The following FANCI variants were observed in gnomAD, a reference collection of about 807,000 sequenced individuals.
The protein encoded by FANCI is FA complementation group I, also known as Fanconi anemia group I protein.
Under a neutral mutation model 176.1 loss-of-function variants are expected in FANCI, and 156 were observed. That is an observed-to-expected ratio of 0.89 (90% CI 0.78 to 1.01). The LOEUF is 1.01. Ranked by LOEUF, FANCI falls within the 50% of genes least tolerant of loss-of-function variation. The probability of loss-of-function intolerance (pLI) is 0.00; values close to 1 mark genes in which losing one functional copy is unlikely to be tolerated. For synonymous variants in FANCI, 613 were observed against 541.7 expected, an observed-to-expected ratio of 1.13 and a Z score of -1.83; for missense variants, 1,678 against 1,534.1, an observed-to-expected ratio of 1.09 and a Z score of -1.57.
chr15:89,279,598 A>G (rs1374698955), intron 14 of FANCI, among the ~76,000 whole-genome samples: 1 of 152,186 alleles, frequency 6.6e-6, no homozygotes, highest in African/African-American at 2.4e-5. Context: ...GATTACTGTA[A>G]GAGTCTGCTT....
intron 35 of FANCI, 120 bp downstream of exon 35, chr15:89,313,092 G>C: frequency 1.0e-6 from 1 of 997,932 alleles, no homozygotes; most frequent in Non-Finnish European, 1.6e-6. Flanking sequence ...GAAGTGCCCA[G>C]AATAAATCAT....
rs74887791 is a variant in FANCI at position 89,270,511 on chromosome 15, A to T, written c.882+1986A>T. Among the ~76,000 whole-genome samples, 8 of 148,500 alleles carry T rather than the reference A, an allele frequency of 5.4e-5. No individual in the cohort carries two copies. In the East Asian group the frequency reaches 5.9e-4, roughly 11 times the overall value. Reference sequence around the variant, plus strand: ...ACCAGGAATTCAAATTTTATATCTTATTTTTTTTTTCTTTTTTTTGTCCTC... The same window carrying T: ...ACCAGGAATTCAAATTTTATATCTTTTTTTTTTTTTCTTTTTTTTGTCCTC... On this transcript the variant is annotated intron_variant, in intron 10 of 37. Transcript: ENST00000310775.
intron 2 of FANCI, among the ~76,000 whole-genome samples, chr15:89,248,448 G>C (rs2052087246): frequency 6.6e-6 from 1 of 151,952 alleles, no homozygotes; most frequent in South Asian, 2.1e-4. Context: ...TAATGTTGTA[G>C]TTATTGAAGG....
chr15:89,253,392 T>C (rs1034897544), intron 2 of FANCI, among the ~76,000 whole-genome samples: 6 of 152,134 alleles, frequency 3.9e-5, no homozygotes, highest in Non-Finnish European at 8.8e-5. Flanking sequence ...CTTATCCCTG[T>C]AATCCCAGCA....
In FANCI at chr15:89,307,527, C is replaced by G. The variant is rs149763090; in HGVS notation, c.3589C>G (p.Leu1197Val). The G allele has an allele frequency of 1.1e-5, 17 of 1,614,058 alleles. No individual in the cohort carries two copies. Among genetic ancestry groups the G allele is most frequent in the Non-Finnish European group, 1.4e-5 (17 of 1,180,040 alleles). Residue 1197 changes from leucine (L) to valine (V), a missense_variant and splice_region_variant, in exon 33 of 38, where the codon CTG becomes GTG. This residue lies in a region of FANCI where 1,204 missense variants were observed against 1,077.4 expected (regional missense o/e 1.12). Coordinates refer to ENST00000310775, the MANE Select transcript of FANCI (RefSeq NM_001113378.2). ...SGGIPKNMEK[L>V]VKLSGSHLTP... ...AGGAATTCCAAAAAATATGGAAAAG[C>G]TGGTGAGTTGAGAATGCCTTTCCTA...
chr15:89,256,704 T>C (rs2052509915), intron 2 of FANCI, among the ~76,000 whole-genome samples: 2 of 152,154 alleles, frequency 1.3e-5, no homozygotes, highest in African/African-American at 4.8e-5. Flanking sequence ...GCACTTCCAC[T>C]TGGATATCTC....
At position 89,259,855 on chromosome 15, in the gene FANCI, A is replaced by T. The variant is rs553852018; in HGVS notation, c.158-858A>T. On this transcript the variant is annotated intron_variant, in intron 3 of 37. Coordinates refer to ENST00000310775, the MANE Select transcript of FANCI (RefSeq NM_001113378.2). ...TTTTACTGCTGAATAATATTCCATT[A>T]TGTGGATATACAACATTTTTCCATT... 4.6e-5 allele frequency among the ~76,000 whole-genome samples: 7 copies of T among 152,310 alleles called. No homozygotes were observed. The South Asian group carries it at 1.2e-3, about 27-fold the overall frequency.
intron 18 of FANCI, among the ~76,000 whole-genome samples, chr15:89,285,571 C>T (rs1397564326): frequency 6.6e-6 from 1 of 152,214 alleles, no homozygotes; most frequent in East Asian, 1.9e-4. Flanking sequence ...GAGCTATGAT[C>T]ACACCACTGC....
Position 89,292,848 on chromosome 15 carries a change from T to C in FANCI, c.2153T>C (p.Leu718Pro), listed in dbSNP as rs1285174212. 2 of 1,614,140 alleles carry C rather than the reference T, an allele frequency of 1.2e-6. No individual in the cohort carries two copies. The highest frequency in any genetic ancestry group is 2.2e-5 in the East Asian group (1 of 44,844). Residue 718 changes from leucine (L) to proline (P), a missense_variant, in exon 21 of 38, where the codon CTG becomes CCG. Around this residue, in one of 3 missense-constraint regions of FANCI, gnomAD observed 1,204 missense variants for 1,077.4 expected, o/e 1.12. Transcript: ENST00000310775. ...SITNRMIKSE[L>P]EDFELDKSAD... is the part of the protein sequence containing the mutation. Reference sequence around the variant, plus strand: ...ACTAATAGAATGATTAAGAGTGAGCTGGAAGACTTTGAACTGGTAATTGCT... The same window carrying C: ...ACTAATAGAATGATTAAGAGTGAGCCGGAAGACTTTGAACTGGTAATTGCT...
intron 32 of FANCI, among the ~76,000 whole-genome samples, chr15:89,306,553 G>C (rs759045288): frequency 2.0e-5 from 3 of 152,018 alleles, no homozygotes; most frequent in Non-Finnish European, 4.4e-5. Flanking sequence ...GTAGCTGGGC[G>C]TGGTGGTGGG....
intron 1 of FANCI, chr15:89,245,172 C>CTTTTTTTTTT (rs1354260784): frequency 1.3e-4 from 16 of 122,606 alleles, no homozygotes; most frequent in African/African-American, 5.2e-4. Context: ...CTTTTCTTTT[C>CTTTTTTTTTT]TTTTCTTTTT....
chr15:89,291,643 C>G lies in FANCI; in HGVS notation c.1921C>G (p.Leu641Val). ...ACAGTTCTATGAGCCAAAACCTGAT[C>G]TGCTGCCTCCTCTGAAATTAGAAGC... ...LKQFYEPKPD[L>V]LPPLKLEACI... is the part of the protein sequence containing the mutation. The change falls in exon 20 of 38, where the codon CTG becomes GTG. Residue 641 changes from leucine (L) to valine (V), a missense_variant. Leu to Val is a conservative substitution (Grantham distance 32, BLOSUM62 1). Coordinates refer to ENST00000310775, the MANE Select transcript of FANCI (RefSeq NM_001113378.2). The G allele has an allele frequency of 6.2e-7, 1 of 1,613,798 alleles. No individual in the cohort carries two copies.
chr15:89,307,725 A>G, intron 34 of FANCI, 53 bp downstream of exon 34: 3 of 1,614,078 alleles, frequency 1.9e-6, no homozygotes, highest in African/African-American at 1.3e-5. Flanking sequence ...GATTTCTTAC[A>G]TGCCCAGGGG....
Position 89,307,662 on chromosome 15 carries a change from C to A in FANCI, c.3641C>A (p.Ser1214Tyr), listed in dbSNP as rs750427509. 6.2e-7 allele frequency: 1 copy of A among 1,614,150 alleles called. No individual in the cohort carries two copies. Among genetic ancestry groups the A allele is most frequent in the Admixed American group, 1.7e-5 (1 of 60,014 alleles). The part of the protein sequence containing the change: ...HLTPLCYSFI[S>Y]YVQNKSKSLN... ...ACCCCCCTGTGTTATTCTTTCATTT[C>A]TTACGTACAGGTAAGAGATTCAGAG... Residue 1214 changes from serine to tyrosine, a missense_variant, in exon 34 of 38, where the codon TCT becomes TAT. Coordinates refer to ENST00000310775, the MANE Select transcript of FANCI (RefSeq NM_001113378.2).
intron 37 of FANCI, among the ~76,000 whole-genome samples, chr15:89,315,955 G>A (rs2055229262): frequency 6.6e-6 from 1 of 152,098 alleles, no homozygotes; most frequent in Non-Finnish European, 1.5e-5. Flanking sequence ...CAAATCAGTA[G>A]CCCACTCCCA....
In FANCI at chr15:89,263,537, C is replaced by T. The variant is rs186797344; in HGVS notation, c.545+77C>T. ...TTGCTAGAAATTAAACTATAGCAAA[C>T]GTAAACATCACTCTCTCCTGATTGT... On this transcript the variant is annotated intron_variant, in intron 7 of 37. Transcript: ENST00000310775. The T allele has an allele frequency of 2.2e-4, 263 of 1,181,488 alleles. 1 individual carries two copies. The African/African-American group carries it at 3.5e-3, about 16-fold the overall frequency. The allele number at this position is 1,181,488 out of a possible 1,614,324, so 73.2% of individuals were successfully genotyped here. A position where few individuals can be genotyped will look rare whatever the true frequency, so the allele number is the denominator to read the frequency against.
chr15:89,291,052 G>T (rs922181634), intron 19 of FANCI, among the ~76,000 whole-genome samples: 1 of 152,084 alleles, frequency 6.6e-6, no homozygotes, highest in Non-Finnish European at 1.5e-5. Flanking sequence ...ATAGAATAGC[G>T]CTTTCTGACT....
At chr15:89,255,425 A>G (rs1012605767) in intron 2 of FANCI, among the ~76,000 whole-genome samples, 5 of 152,178 alleles carry the variant, frequency 3.3e-5, no homozygotes, top group African/African-American at 9.7e-5. Context: ...AGATATTTGC[A>G]TGATCTTAAA....
chr15:89,247,663 T>G lies in FANCI; in HGVS notation c.16T>G (p.Leu6Val), dbSNP rs748018574. Residue 6 changes from leucine to valine, a missense_variant, in exon 2 of 38, where the codon TTA becomes GTA. This residue lies in a region of FANCI where 469 missense variants were observed against 436.9 expected (regional missense o/e 1.07). Transcript: ENST00000310775. MDQKI[L>V]SLAAEKTADK... ...ATGAGCAACAATGGACCAGAAGATTTTATCTCTAGCAGCAGAAAAAACAGC... is the reference window on the plus strand; with the variant it reads ...ATGAGCAACAATGGACCAGAAGATTGTATCTCTAGCAGCAGAAAAAACAGC... 1.9e-6 allele frequency: 3 copies of G among 1,613,920 alleles called. No individual in the cohort carries two copies. The highest frequency in any genetic ancestry group is 2.5e-6 in the Non-Finnish European group (3 of 1,179,968).
Sources: gnomAD v4.1 joint callset for allele counts (sites outside exome capture counted in the v4.1 genomes callset) on GRCh38, gnomAD v4.1.1 for gene constraint, gnomAD v4.1.1 regional missense constraint, MANE v1.5 for transcripts, NCBI Gene and HGNC (gene_info 2026-07-23, HGNC 2026-07-21) for gene names.